Variants in DNAH11 observed in about 807,000 individuals in gnomAD.
DNAH11 encodes axonemal beta dynein heavy chain 11.
DNAH11 carries 442 observed loss-of-function variants against 526.0 expected under a neutral mutation model. That is an observed-to-expected ratio of 0.84 (90% CI 0.78 to 0.91). The LOEUF is 0.91. DNAH11 is among the 40% of genes least tolerant of loss of function. DNAH11 has a pLI of 0.00. For synonymous variants in DNAH11, 2,461 were observed against 1,935.9 expected (o/e 1.27, Z -7.12); for missense variants, 6,989 against 5,448.7 (o/e 1.28, Z -8.90).
At chr7:21,692,492 G>A (rs192970723) in intron 35 of DNAH11, among the ~76,000 whole-genome samples, 6 of 152,148 alleles carry the variant, frequency 3.9e-5, no homozygotes, top group East Asian at 1.9e-4. Flanking sequence ...GTTGTTGAGC[G>A]TATCAGTAGT....
At chr7:21,613,612 G>A (rs1785632765) in intron 20 of DNAH11, among the ~76,000 whole-genome samples, 1 of 152,170 alleles carries the variant, frequency 6.6e-6, no homozygotes, top group Non-Finnish European at 1.5e-5. Flanking sequence ...AAGACTTCTT[G>A]TACAATATGG....
chr7:21,609,156 T>G (rs935369496), intron 20 of DNAH11, among the ~76,000 whole-genome samples: 4 of 152,218 alleles, frequency 2.6e-5, no homozygotes, highest in Admixed American at 6.5e-5. Flanking sequence ...AACTGTATAA[T>G]AACCAGCTGA....
intron 9 of DNAH11, 94 bp downstream of exon 9, chr7:21,582,115 C>A: frequency 1.3e-6 from 1 of 780,746 alleles, no homozygotes; most frequent in Non-Finnish European, 2.2e-6. Flanking sequence ...GTAGAGTATT[C>A]ACTAGGTTAA....
intron 43 of DNAH11, among the ~76,000 whole-genome samples, chr7:21,720,227 G>C (rs1341637239): frequency 6.6e-6 from 1 of 152,194 alleles, no homozygotes; most frequent in Non-Finnish European, 1.5e-5. Flanking sequence ...ACCGAAAGTG[G>C]TTTATCTGAA....
At chr7:21,548,487 C>T (rs117666098) in intron 2 of DNAH11, among the ~76,000 whole-genome samples, 5,593 of 152,270 alleles carry the variant, frequency 0.037, 120 homozygotes, top group South Asian at 0.06. Context: ...GGGACACCTA[C>T]GGAGTTAACA....
chr7:21,727,513 C>G (rs565192576), intron 45 of DNAH11, among the ~76,000 whole-genome samples: 10 of 152,362 alleles, frequency 6.6e-5, no homozygotes, highest in East Asian at 3.9e-4. Flanking sequence ...GAACCTTTCT[C>G]TCTTTCTTCA....
In DNAH11 at chr7:21,868,101, TTTC is replaced by T. The variant is rs1236162601; in HGVS notation, c.11839+97_11839+99del. 231 of 988,024 alleles carry T rather than the reference TTTC, an allele frequency of 2.3e-4. No individual in the cohort carries two copies. In the East Asian group the frequency reaches 4.9e-3, roughly 21 times the overall value. 61.2% of individuals were successfully genotyped at this position (988,024 alleles called of 1,614,324 possible). A position where few individuals can be genotyped will look rare whatever the true frequency, so the allele number is the denominator to read the frequency against. ...TCTTTTCAGTTCACAGTGATCTTAGTTTCTTTTTTTTTTTTTTTTAATTTGTTG... is the reference window on the plus strand; with the variant it reads ...TCTTTTCAGTTCACAGTGATCTTAGTTTTTTTTTTTTTTTTTAATTTGTTG... On this transcript the variant is annotated intron_variant, in intron 72 of 81. Coordinates refer to ENST00000409508, the MANE Select transcript of DNAH11 (RefSeq NM_001277115.2).
At position 21,901,167 on chromosome 7, in the gene DNAH11, C is replaced by G. The variant is rs1489261617; in HGVS notation, c.13464C>G (p.Pro4488=). 1 of 1,611,666 alleles carries G rather than the reference C, an allele frequency of 6.2e-7. No homozygotes were observed. The highest frequency in any genetic ancestry group is 2.2e-5 in the East Asian group (1 of 44,878). Residue 4488 remains proline (P), a synonymous_variant, in exon 82 of 82, where the codon CCC becomes CCG. Coordinates refer to ENST00000409508, the MANE Select transcript of DNAH11 (RefSeq NM_001277115.2). ...TGTATAGAACCAAACTGAGAGGCCC[C>G]AGCTACATCTGGACCTTCAGGCTGA... The part of the protein sequence containing the change: ...CPVYRTKLRG[P]SYIWTFRLKS...
At chr7:21,786,186 AAAAC>A (rs974903176) in intron 58 of DNAH11, among the ~76,000 whole-genome samples, 8 of 152,216 alleles carry the variant, frequency 5.3e-5, no homozygotes, top group Non-Finnish European at 1.2e-4. Context: ...GTAAGACAGA[AAAAC>A]AAACCTAAGA....
intron 63 of DNAH11, among the ~76,000 whole-genome samples, chr7:21,811,455 CA>C (rs33956308): frequency 2.8e-4 from 41 of 144,110 alleles, no homozygotes; most frequent in South Asian, 6.6e-4. Context: ...GATGCCATCT[CA>C]AAAAAAAAAA....
chr7:21,885,382 C>G (rs1784091689), intron 76 of DNAH11, among the ~76,000 whole-genome samples: 1 of 151,020 alleles, frequency 6.6e-6, no homozygotes, highest in Non-Finnish European at 1.5e-5. Flanking sequence ...AATACATGTT[C>G]TCACACACAT....
Position 21,854,378 on chromosome 7 carries a change from G to T in DNAH11, c.11125G>T (p.Ala3709Ser). 6.2e-7 allele frequency: 1 copy of T among 1,613,752 alleles called. No homozygotes were observed. The highest frequency in any genetic ancestry group is 2.2e-5 in the East Asian group (1 of 44,856). Residue 3709 changes from alanine (A) to serine (S), a missense_variant, in exon 68 of 82, where the codon GCA becomes TCA. Ala to Ser is a moderately conservative substitution (Grantham distance 99). Coordinates refer to ENST00000409508, the MANE Select transcript of DNAH11 (RefSeq NM_001277115.2). Reference sequence around the variant, plus strand: ...GGCCCGAGAATGTTACAGACCAGTGGCAGCAAGAGCATCTCTTCTTTATTT... The same window carrying T: ...GGCCCGAGAATGTTACAGACCAGTGTCAGCAAGAGCATCTCTTCTTTATTT... ...NEARECYRPV[A>S]ARASLLYFVI... is the part of the protein sequence containing the mutation.
chr7:21,901,315 C>CTGGAG lies in DNAH11; in HGVS notation c.*63_*64insGAGTG. On this transcript the variant is annotated 3_prime_UTR_variant, in exon 82 of 82. Coordinates refer to ENST00000409508, the MANE Select transcript of DNAH11 (RefSeq NM_001277115.2). ...GCAGTGAGGATTTTCTAGCATGTTGCTGCACTGTTCCCATGCACATTATTC... is the reference window on the plus strand; with the variant it reads ...GCAGTGAGGATTTTCTAGCATGTTGCTGGAGTGCACTGTTCCCATGCACATTATTC... 18 of 1,513,874 alleles carry CTGGAG rather than the reference C, an allele frequency of 1.2e-5. No homozygotes were observed. In the South Asian group the frequency reaches 2.5e-4, roughly 21 times the overall value. 93.8% of individuals were successfully genotyped at this position (1,513,874 alleles called of 1,614,324 possible).
chr7:21,743,520 T>A (rs1786010199), intron 49 of DNAH11, among the ~76,000 whole-genome samples: 1 of 152,198 alleles, frequency 6.6e-6, no homozygotes, highest in Non-Finnish European at 1.5e-5. Context: ...GGTATATTGA[T>A]GAAATACGAA....
chr7:21,893,761 C>G (rs1784410645), intron 77 of DNAH11, among the ~76,000 whole-genome samples: 2 of 152,158 alleles, frequency 1.3e-5, no homozygotes, highest in South Asian at 4.1e-4. Flanking sequence ...ATAGAAGTTT[C>G]TTTGTTAAAA....
At chr7:21,697,963 T>G in intron 35 of DNAH11, 112 bp from the exon 36 acceptor site, 4 of 1,107,562 alleles carry the variant, frequency 3.6e-6, no homozygotes, top group Non-Finnish European at 5.0e-6. Context: ...GACATAATTA[T>G]GATCTGCTTA....
chr7:21,632,962 C>T (rs1786685570), intron 25 of DNAH11, among the ~76,000 whole-genome samples: 2 of 152,310 alleles, frequency 1.3e-5, no homozygotes, highest in Middle Eastern at 6.8e-3. Flanking sequence ...GTTTATTGGA[C>T]ATACAGTTCC....
chr7:21,621,376 C>T (rs1366085981), intron 25 of DNAH11, among the ~76,000 whole-genome samples: 3 of 152,062 alleles, frequency 2.0e-5, no homozygotes, highest in East Asian at 1.9e-4. Context: ...GATTCACAGC[C>T]GAATTCTACC....
intron 5 of DNAH11, among the ~76,000 whole-genome samples, chr7:21,562,071 C>A (rs1481923914): frequency 6.6e-6 from 1 of 152,150 alleles, no homozygotes; most frequent in Admixed American, 6.5e-5. Flanking sequence ...CTGTCCCAAC[C>A]CTGCTTACTG....
Sources: gnomAD v4.1 joint callset for allele counts (sites outside exome capture counted in the v4.1 genomes callset) on GRCh38, gnomAD v4.1.1 for gene constraint, MANE v1.5 for transcripts, NCBI Gene and HGNC (gene_info 2026-07-23, HGNC 2026-07-21) for gene names.